The following NDUFS4 variants were observed in gnomAD, a reference collection of about 807,000 sequenced individuals.
NDUFS4 encodes NADH dehydrogenase [ubiquinone] iron-sulfur protein 4, mitochondrial.
In NDUFS4, 28 loss-of-function variants were observed where a neutral mutation model predicts 24.3. That is an observed-to-expected ratio of 1.15 (90% CI 0.85 to 1.58). The LOEUF (loss-of-function observed/expected upper bound fraction) is 1.58. NDUFS4 is among the 40% of genes most tolerant of loss of function. The pLI, the probability that NDUFS4 is intolerant of heterozygous loss-of-function variation, is 0.00. For missense variants in NDUFS4, 223 were observed against 207.9 expected (o/e 1.07, Z -0.45); for synonymous variants, 93 against 69.7 (o/e 1.34, Z -1.67).
rs1561325867 is a variant in NDUFS4 at position 53,560,745 on chromosome 5, C to T, written c.83C>T (p.Ser28Phe). The T allele has an allele frequency of 1.9e-6, 3 of 1,614,200 alleles. No individual in the cohort carries two copies. The highest frequency in any genetic ancestry group is 2.5e-6 in the Non-Finnish European group (3 of 1,180,040). The change falls in exon 1 of 5, where the codon TCC becomes TTC. Residue 28 changes from serine to phenylalanine, a missense_variant. Physicochemically the swap from Ser to Phe is radical, Grantham distance 155 (BLOSUM62 -2). Coordinates refer to ENST00000296684, the MANE Select transcript of NDUFS4 (RefSeq NM_002495.4). ...RAVAVAALSV[S>F]RVPTRSLRTS... ...GTGGCTGTAGCTGCCCTTTCCGTTT[C>T]CAGGGTTCCGACCAGGTAATAGAAT...
In NDUFS4 at chr5:53,571,635, A is replaced by G. The variant is rs1026523115; in HGVS notation, c.98+10875A>G. 1.4e-4 allele frequency among the ~76,000 whole-genome samples: 21 copies of G among 152,290 alleles called. 1 individual carries two copies. In the South Asian group the frequency reaches 1.5e-3, roughly 11 times the overall value. On this transcript the variant is annotated intron_variant, in intron 1 of 4. Transcript: ENST00000296684. ...TTCCAAAGTGGCTGCACTATTTTACATTCCCACCAGCAGTGAATGAGGGTT... is the reference window on the plus strand; with the variant it reads ...TTCCAAAGTGGCTGCACTATTTTACGTTCCCACCAGCAGTGAATGAGGGTT...
chr5:53,666,722 G>T (rs1752524591), intron 4 of NDUFS4, among the ~76,000 whole-genome samples: 1 of 152,098 alleles, frequency 6.6e-6, no homozygotes, highest in African/African-American at 2.4e-5. Flanking sequence ...GATCACTTGA[G>T]GTCAGGAGTT....
At chr5:53,561,906 A>G (rs1017905184) in intron 1 of NDUFS4, among the ~76,000 whole-genome samples, 5 of 152,210 alleles carry the variant, frequency 3.3e-5, no homozygotes, top group Non-Finnish European at 7.3e-5. Context: ...CTAAATACAT[A>G]GAATAGAGTC....
chr5:53,569,598 A>T (rs1749146391), intron 1 of NDUFS4, among the ~76,000 whole-genome samples: 1 of 152,152 alleles, frequency 6.6e-6, no homozygotes, highest in African/African-American at 2.4e-5. Flanking sequence ...AAGTTTGGTG[A>T]CTTTCTGATA....
intron 3 of NDUFS4, among the ~76,000 whole-genome samples, chr5:53,657,933 A>AAC (rs1554060112): frequency 2.0e-5 from 3 of 149,892 alleles, no homozygotes; most frequent in Admixed American, 1.4e-4. Flanking sequence ...TCAAAAAAAA[A>AAC]AAAAAAAAAG....
intron 2 of NDUFS4, among the ~76,000 whole-genome samples, chr5:53,616,494 T>C (rs1284150781): frequency 6.6e-6 from 1 of 152,032 alleles, no homozygotes; most frequent in Non-Finnish European, 1.5e-5. Flanking sequence ...AAGATCTGAA[T>C]TGATGAGAAA....
chr5:53,661,648 C>A (rs1224345102), intron 4 of NDUFS4, among the ~76,000 whole-genome samples: 1 of 152,136 alleles, frequency 6.6e-6, no homozygotes, highest in East Asian at 1.9e-4. Context: ...GAATGTTCTT[C>A]CATTTGTTTG....
At chr5:53,675,352 C>G (rs956884886) in intron 4 of NDUFS4, among the ~76,000 whole-genome samples, 3 of 151,608 alleles carry the variant, frequency 2.0e-5, no homozygotes, top group African/African-American at 7.3e-5. Context: ...TTAGTAGAGA[C>G]GGGGTTTCAC....
At chr5:53,656,521 G>A (rs781584289) in intron 3 of NDUFS4, among the ~76,000 whole-genome samples, 1 of 152,128 alleles carries the variant, frequency 6.6e-6, no homozygotes, top group African/African-American at 2.4e-5. Flanking sequence ...GCAGAGAGTA[G>A]GAGAGCATTT....
intron 1 of NDUFS4, among the ~76,000 whole-genome samples, chr5:53,567,290 G>A (rs930738936): frequency 5.3e-5 from 8 of 152,178 alleles, no homozygotes; most frequent in African/African-American, 1.9e-4. Context: ...GTAATAATCA[G>A]TTCAAACCCT....
intron 1 of NDUFS4, among the ~76,000 whole-genome samples, chr5:53,589,859 C>T (rs918147558): frequency 8.5e-5 from 13 of 152,192 alleles, no homozygotes; most frequent in Non-Finnish European, 1.5e-4. Flanking sequence ...TGGATGCTTC[C>T]TGCCCTTGAA....
intron 2 of NDUFS4, among the ~76,000 whole-genome samples, chr5:53,628,688 ATAG>A (rs1357799387): frequency 1.3e-5 from 2 of 152,088 alleles, no homozygotes; most frequent in Admixed American, 6.6e-5. Flanking sequence ...GTATTCTCTG[ATAG>A]TAGTTTGTAT....
rs767073666 is a variant in NDUFS4, at chr5:53,569,095, A to G, written c.98+8335A>G. On this transcript the variant is annotated intron_variant, in intron 1 of 4. Coordinates refer to ENST00000296684, the MANE Select transcript of NDUFS4 (RefSeq NM_002495.4). ...TCTTGATGAGCTTTAAAGTGAATACAGATGTTTTGGCTCTTTTGAGGACTA... is the reference window on the plus strand; with the variant it reads ...TCTTGATGAGCTTTAAAGTGAATACGGATGTTTTGGCTCTTTTGAGGACTA... Among the ~76,000 whole-genome samples the G allele has an allele frequency of 3.3e-5, 5 of 152,136 alleles. No homozygotes were observed. The South Asian group carries it at 8.3e-4, about 25-fold the overall frequency.
intron 4 of NDUFS4, among the ~76,000 whole-genome samples, chr5:53,669,262 C>T (rs1413839719): frequency 6.6e-6 from 1 of 152,118 alleles, no homozygotes; most frequent in Non-Finnish European, 1.5e-5. Flanking sequence ...AGACAAATTC[C>T]TCAACTGATA....
At chr5:53,619,343 G>A (rs1317268615) in intron 2 of NDUFS4, among the ~76,000 whole-genome samples, 2 of 148,300 alleles carry the variant, frequency 1.3e-5, no homozygotes, top group African/African-American at 2.5e-5. Flanking sequence ...GTGTGGTGGC[G>A]GGTGCTTGTG....
At chr5:53,639,888 A>C (rs1483855930) in intron 2 of NDUFS4, among the ~76,000 whole-genome samples, 1 of 152,230 alleles carries the variant, frequency 6.6e-6, no homozygotes, top group Non-Finnish European at 1.5e-5. Context: ...TTTACATCTC[A>C]AAGGCACAGA....
At chr5:53,621,690 A>ATTTTTTTTTTTTTTTTTTTTT (rs58169759) in intron 2 of NDUFS4, among the ~76,000 whole-genome samples, 1 of 81,546 alleles carries the variant, frequency 1.2e-5, no homozygotes, top group African/African-American at 5.5e-5. Flanking sequence ...CTCATAGTAA[A>ATTTTTTTTTTTTTTTTTTTTT]TTTTTTTTTT....
intron 4 of NDUFS4, among the ~76,000 whole-genome samples, chr5:53,664,149 T>C (rs1376440259): frequency 6.6e-6 from 1 of 152,220 alleles, no homozygotes; most frequent in Non-Finnish European, 1.5e-5. Context: ...TTAAGAATGT[T>C]GAATATTGGC....
intron 3 of NDUFS4, among the ~76,000 whole-genome samples, chr5:53,658,281 GT>G (rs969622444): frequency 3.9e-5 from 6 of 151,948 alleles, no homozygotes; most frequent in African/African-American, 2.4e-5. Flanking sequence ...ATCTCAAATT[GT>G]TTTTTTAGAG....
Sources: allele counts gnomAD v4.1 joint callset (sites outside exome capture counted in the v4.1 genomes callset), GRCh38; gene constraint gnomAD v4.1.1; transcripts MANE v1.5; gene names NCBI Gene and HGNC (gene_info 2026-07-23, HGNC 2026-07-21).